Variants in SPATS1 observed in about 807,000 individuals in gnomAD.
SPATS1 encodes the protein spermatogenesis associated serine rich 1.
SPATS1 carries 23 observed loss-of-function variants against 33.6 expected under a neutral mutation model. The observed-to-expected ratio is 0.68, with a 90% CI of 0.49 to 0.97. The LOEUF is 0.97. SPATS1 is among the 50% of genes least tolerant of loss of function. The probability of loss-of-function intolerance (pLI) is 0.00; values close to 1 mark genes in which losing one functional copy is unlikely to be tolerated. For missense variants in SPATS1, 327 were observed against 361.0 expected (o/e 0.91, Z 0.76); for synonymous variants, 131 against 125.6 (o/e 1.04, Z -0.29).
At chr6:44,344,716 A>C (rs760587970) in intron 2 of SPATS1, among the ~76,000 whole-genome samples, 20 of 152,114 alleles carry the variant, frequency 1.3e-4, no homozygotes, top group Non-Finnish European at 2.6e-4. Flanking sequence ...AATGGAAATA[A>C]TTATCCTGAA....
chr6:44,355,304 G>A (rs1264197541), intron 3 of SPATS1, among the ~76,000 whole-genome samples: 1 of 151,962 alleles, frequency 6.6e-6, no homozygotes, highest in Non-Finnish European at 1.5e-5. Context: ...ATGCATTTAA[G>A]TTGCCTTCAT....
chr6:44,344,422 T>TGC (rs1787753494), intron 2 of SPATS1, among the ~76,000 whole-genome samples: 1 of 151,688 alleles, frequency 6.6e-6, no homozygotes, highest in Non-Finnish European at 1.5e-5. Context: ...TGTGTGTGTG[T>TGC]GCATTTTTCC....
At chr6:44,359,120 C>G (rs1788753620) in intron 3 of SPATS1, among the ~76,000 whole-genome samples, 1 of 152,008 alleles carries the variant, frequency 6.6e-6, no homozygotes, top group African/African-American at 2.4e-5. Context: ...ACCACCACAC[C>G]TGGCTAATTA....
At chr6:44,356,489 T>C (rs1788598584) in intron 3 of SPATS1, among the ~76,000 whole-genome samples, 1 of 152,242 alleles carries the variant, frequency 6.6e-6, no homozygotes, top group Admixed American at 6.5e-5. Flanking sequence ...TCGGTGCCTC[T>C]GGCTCAAGGT....
intron 7 of SPATS1, among the ~76,000 whole-genome samples, chr6:44,375,836 T>C (rs1359927199): frequency 1.3e-5 from 2 of 151,364 alleles, no homozygotes; most frequent in East Asian, 3.9e-4. Flanking sequence ...CTGGGTATAG[T>C]GGCTCACAAC....
intron 5 of SPATS1, among the ~76,000 whole-genome samples, chr6:44,363,785 A>T (rs1194772880): frequency 6.6e-6 from 1 of 151,484 alleles, no homozygotes; most frequent in Admixed American, 6.6e-5. Flanking sequence ...AGGGTTTTAT[A>T]AATACTGAGT....
At chr6:44,369,993 T>TTGA in intron 6 of SPATS1, 58 bp from the exon 7 acceptor site, 1 of 1,288,052 alleles carries the variant, frequency 7.8e-7, no homozygotes, top group Non-Finnish European at 1.1e-6. Flanking sequence ...CAATGATGTA[T>TTGA]TGATCTCTTT....
intron 5 of SPATS1, among the ~76,000 whole-genome samples, chr6:44,366,334 G>A (rs1789249166): frequency 6.6e-6 from 1 of 151,908 alleles, no homozygotes; most frequent in Non-Finnish European, 1.5e-5. Context: ...ATGTTGATCA[G>A]GCTGGTCTTG....
intron 5 of SPATS1, among the ~76,000 whole-genome samples, chr6:44,365,164 T>G (rs1259243521): frequency 6.6e-6 from 1 of 152,218 alleles, no homozygotes; most frequent in Admixed American, 6.5e-5. Flanking sequence ...TAAACTGGAA[T>G]GCAACGCATT....
At chr6:44,363,382 C>T (rs1034313705) in intron 5 of SPATS1, among the ~76,000 whole-genome samples, 4 of 152,188 alleles carry the variant, frequency 2.6e-5, no homozygotes, top group South Asian at 2.1e-4. Context: ...TGGGCCCAAG[C>T]GATTAGCCGG....
At chr6:44,364,735 CT>C (rs900394437) in intron 5 of SPATS1, among the ~76,000 whole-genome samples, 2 of 151,572 alleles carry the variant, frequency 1.3e-5, no homozygotes, top group African/African-American at 2.4e-5. Flanking sequence ...TTCTTTCTTT[CT>C]TTTTTTCTTT....
intron 7 of SPATS1, among the ~76,000 whole-genome samples, chr6:44,372,252 C>CAAAAAA (rs1202728244): frequency 1.2e-5 from 1 of 80,652 alleles, no homozygotes; most frequent in Non-Finnish European, 2.9e-5. Flanking sequence ...GACTCCATCT[C>CAAAAAA]AAAAAAAAAA....
intron 5 of SPATS1, among the ~76,000 whole-genome samples, chr6:44,364,891 G>A (rs1159457990): frequency 6.6e-6 from 1 of 151,738 alleles, no homozygotes; most frequent in Non-Finnish European, 1.5e-5. Context: ...TCCGCCCACT[G>A]AGTTCAAGCA....
intron 5 of SPATS1, among the ~76,000 whole-genome samples, chr6:44,366,759 G>T (rs1451638008): frequency 6.6e-6 from 1 of 152,164 alleles, no homozygotes; most frequent in South Asian, 2.1e-4. Flanking sequence ...GGGATGAGGG[G>T]TATTAGTCCA....
At chr6:44,362,116 C>A (rs1788960763) in intron 5 of SPATS1, 124 bp downstream of exon 5, 1 of 1,225,696 alleles carries the variant, frequency 8.2e-7, no homozygotes, top group Non-Finnish European at 1.2e-6. Flanking sequence ...CCTAGTGCAG[C>A]CAGGAAGACA....
At chr6:44,354,977 A>T (rs1479058033) in intron 3 of SPATS1, among the ~76,000 whole-genome samples, 2 of 152,084 alleles carry the variant, frequency 1.3e-5, no homozygotes, top group Admixed American at 1.3e-4. Context: ...ACCATGCCCA[A>T]CTAATTTGTA....
intron 2 of SPATS1, 60 bp downstream of exon 2, chr6:44,343,294 CG>C: frequency 7.0e-6 from 10 of 1,435,588 alleles, no homozygotes; most frequent in Non-Finnish European, 8.7e-6. Flanking sequence ...ATACTACACC[CG>C]GGGGCGGGGG....
intron 8 of SPATS1, among the ~76,000 whole-genome samples, 174 bp from the exon 9 acceptor site, chr6:44,376,861 C>T (rs747070433): frequency 6.6e-6 from 1 of 152,208 alleles, no homozygotes; most frequent in Non-Finnish European, 1.5e-5. Context: ...TTTTGAGAGG[C>T]TTCACAGTGG....
At chr6:44,350,779 C>T (rs1338465165) in intron 2 of SPATS1, among the ~76,000 whole-genome samples, 2 of 152,118 alleles carry the variant, frequency 1.3e-5, no homozygotes, top group South Asian at 2.1e-4. Context: ...GTCATATCAA[C>T]GGGTTCTGCA....
Sources: allele counts gnomAD v4.1 joint callset (sites outside exome capture counted in the v4.1 genomes callset), GRCh38; gene constraint gnomAD v4.1.1; transcripts MANE v1.5; gene names NCBI Gene and HGNC (gene_info 2026-07-23, HGNC 2026-07-21).